The following RNF125 variants were observed in gnomAD, a reference collection of about 807,000 sequenced individuals.
The protein encoded by RNF125 is E3 ubiquitin-protein ligase RNF125.
Under a neutral mutation model 26.0 loss-of-function variants are expected in RNF125, and 21 were observed. The observed-to-expected ratio is 0.81, with a 90% CI of 0.57 to 1.16. The LOEUF is 1.16. Among genes scored for constraint, RNF125 ranks in the 50% most tolerant of loss-of-function variants. RNF125 has a pLI of 0.00. For missense variants in RNF125, 270 were observed against 299.4 expected (o/e 0.90, Z 0.72); for synonymous variants, 95 against 109.2 (o/e 0.87, Z 0.81).
rs2039226852 is a variant in RNF125, at chr18:32,042,144, AAC to A, written c.319-33_319-32del. The stretch of plus-strand genomic sequence containing the variant: ...ATAAGCTTTCATTGAGCCCTTTTTT[AAC>A]AGTGAGTTTATTTTGAATTTGTTTT... On this transcript the variant is annotated intron_variant, in intron 2 of 5. Transcript: ENST00000217740. 3.4e-6 allele frequency: 5 copies of A among 1,486,540 alleles called. No individual in the cohort carries two copies. In the South Asian group the frequency reaches 3.5e-5, roughly 10 times the overall value. 92.1% of individuals were successfully genotyped at this position (1,486,540 alleles called of 1,614,324 possible).
At chr18:32,037,093 T>C (rs1360181954) in intron 1 of RNF125, 23 bp from the exon 2 acceptor site, 1 of 1,567,510 alleles carries the variant, frequency 6.4e-7, no homozygotes, top group South Asian at 1.2e-5. Context: ...GAAAGTGATG[T>C]ATTTTTGGTC....
the RNF125 span, among the ~76,000 whole-genome samples, chr18:32,090,633 G>A: frequency 5.3e-5 from 8 of 152,070 alleles, no homozygotes; most frequent in Non-Finnish European, 7.4e-5. Context: ...TATAGCCATC[G>A]TTTAATGCAA....
At position 32,046,627 on chromosome 18, in the gene RNF125, G is replaced by A. The variant is rs145755751; in HGVS notation, c.504+895G>A. On this transcript the variant is annotated intron_variant, in intron 4 of 5. Coordinates refer to ENST00000217740, the MANE Select transcript of RNF125 (RefSeq NM_017831.4). The stretch of plus-strand genomic sequence containing the variant: ...AAAAAAAAAAAAAAATGCAAATAGT[G>A]TTATTATGACACTACACTAGAAACA... Among the ~76,000 whole-genome samples, 829 of 150,176 alleles carry A rather than the reference G, an allele frequency of 5.5e-3. 9 individuals are homozygous for A. Among genetic ancestry groups the A allele is most frequent in the African/African-American group, 0.019 (786 of 41,024 alleles).
downstream of RNF125, among the ~76,000 whole-genome samples, chr18:32,076,867 G>A (rs1568213418): frequency 6.6e-6 from 1 of 152,120 alleles, no homozygotes; most frequent in Non-Finnish European, 1.5e-5. Context: ...TCATTCAACT[G>A]TCAGCTCAAA....
In RNF125 at chr18:32,038,043, A is replaced by ATTT. The variant is rs35226765; in HGVS notation, c.318+795_318+797dup. ...ACCACTCACTCTTTGGGTCCGTGCC[A>ATTT]TTTTTTTTTTTTTTTTTTTTTTTGA... is the stretch of plus-strand genomic sequence containing the variant. On this transcript the variant is annotated intron_variant, in intron 2 of 5. Transcript: ENST00000217740. 9.8e-3 allele frequency among the ~76,000 whole-genome samples: 1,012 copies of ATTT among 103,344 alleles called. 24 individuals carry two copies. Among genetic ancestry groups the ATTT allele is most frequent in the African/African-American group, 0.018 (453 of 25,502 alleles). The allele number at this position is 103,344 out of a possible 152,430, so 67.8% of individuals were successfully genotyped here.
chr18:32,084,078 A>G, the RNF125 span, among the ~76,000 whole-genome samples: 2 of 152,094 alleles, frequency 1.3e-5, no homozygotes, highest in Non-Finnish European at 2.9e-5. Context: ...ACAACTGACC[A>G]GGTGCGGTGG....
At chr18:32,042,103 TA>T in intron 2 of RNF125, 75 bp from the exon 3 acceptor site, 1 of 1,036,898 alleles carries the variant, frequency 9.6e-7, no homozygotes, top group South Asian at 1.4e-5. Flanking sequence ...ACTTGAAAGT[TA>T]AAAGGCTGGA....
At chr18:32,078,026 G>A (rs1410873985), downstream of RNF125, among the ~76,000 whole-genome samples, 2 of 152,222 alleles carry the variant, frequency 1.3e-5, no homozygotes, top group East Asian at 3.9e-4. Flanking sequence ...CTGGGCTCAA[G>A]TGACCCTCCC....
In RNF125 at chr18:32,019,015, G is replaced by A. The variant is rs769984892; in HGVS notation, c.152G>A (p.Arg51His). 1 of 1,612,618 alleles carries A rather than the reference G, an allele frequency of 6.2e-7. No homozygotes were observed. The highest frequency in any genetic ancestry group is 8.5e-7 in the Non-Finnish European group (1 of 1,179,382). The change falls in exon 1 of 6, where the codon CGC becomes CAC. Residue 51 changes from arginine to histidine, a missense_variant. Transcript: ENST00000217740. The part of the protein sequence containing the change: ...LEVLHQPVRT[R>H]CGHVFCRSCI... ...GTGTTACACCAGCCTGTCCGGACCC[G>A]CTGTGGCCACGTGTAAGTTCCAGGG...
chr18:32,081,419 A>G, the RNF125 span, among the ~76,000 whole-genome samples: 23 of 152,304 alleles, frequency 1.5e-4, no homozygotes, highest in African/African-American at 5.1e-4. Context: ...TTAAATATAG[A>G]GACAACAACT....
At chr18:32,060,772 T>C (rs1318353492) in intron 4 of RNF125, among the ~76,000 whole-genome samples, 1 of 152,236 alleles carries the variant, frequency 6.6e-6, no homozygotes, top group Non-Finnish European at 1.5e-5. Flanking sequence ...TAGTACCGAC[T>C]TCAGCCCATT....
At chr18:32,087,039 C>T in the RNF125 span, among the ~76,000 whole-genome samples, 2 of 152,104 alleles carry the variant, frequency 1.3e-5, no homozygotes, top group African/African-American at 4.8e-5. Context: ...GAGTCACATA[C>T]ACACTCATGC....
chr18:32,023,058 C>T (rs1034705699), intron 1 of RNF125, among the ~76,000 whole-genome samples: 1 of 152,126 alleles, frequency 6.6e-6, no homozygotes, highest in Non-Finnish European at 1.5e-5. Flanking sequence ...TCATGGCTCA[C>T]TGCAGCCTCC....
chr18:32,055,701 C>G (rs2039373896), intron 4 of RNF125, among the ~76,000 whole-genome samples: 4 of 152,084 alleles, frequency 2.6e-5, no homozygotes, highest in Admixed American at 2.0e-4. Context: ...AACACTTAGG[C>G]CAGGTGTGGT....
chr18:32,056,807 C>T (rs193056638), intron 4 of RNF125, among the ~76,000 whole-genome samples: 2 of 152,232 alleles, frequency 1.3e-5, no homozygotes, highest in African/African-American at 4.8e-5. Flanking sequence ...ATGCACTTGG[C>T]TTTATGCCAA....
intron 4 of RNF125, among the ~76,000 whole-genome samples, chr18:32,047,712 G>A (rs1598818460): frequency 1.3e-5 from 2 of 152,086 alleles, no homozygotes; most frequent in African/African-American, 4.8e-5. Flanking sequence ...GTTTTTAGGG[G>A]TTTTTAATTT....
chr18:32,038,011 C>T (rs1413082722), intron 2 of RNF125, among the ~76,000 whole-genome samples: 1 of 151,298 alleles, frequency 6.6e-6, no homozygotes, highest in Admixed American at 6.6e-5. Flanking sequence ...TCACAAGAAA[C>T]CTTGCTACCA....
In RNF125 at chr18:32,037,282, C is replaced by A. The variant is rs193229214; in HGVS notation, c.318+13C>A. The A allele has an allele frequency of 1.2e-5, 19 of 1,527,156 alleles. No individual in the cohort carries two copies. In the East Asian group the frequency reaches 4.6e-4, roughly 37 times the overall value. The allele number at this position is 1,527,156 out of a possible 1,614,324, so 94.6% of individuals were successfully genotyped here. On this transcript the variant is annotated intron_variant, in intron 2 of 5. Transcript: ENST00000217740. ...GTGTGACACCCTGGTATGTATGTGA[C>A]CCCACCTATTTTCATGGTTACCAGC...
At chr18:32,090,079 CT>C in the RNF125 span, among the ~76,000 whole-genome samples, 6 of 152,182 alleles carry the variant, frequency 3.9e-5, no homozygotes, top group Non-Finnish European at 7.3e-5. Flanking sequence ...AACCCTGTCT[CT>C]ACTAAAAATG....
Sources: gnomAD v4.1 joint callset for allele counts (sites outside exome capture counted in the v4.1 genomes callset) on GRCh38, gnomAD v4.1.1 for gene constraint, MANE v1.5 for transcripts, NCBI Gene and HGNC (gene_info 2026-07-23, HGNC 2026-07-21) for gene names.